Variants in SMYD2 observed in about 807,000 individuals in gnomAD.
SMYD2 encodes N-lysine methyltransferase SMYD2.
Under a neutral mutation model 59.1 loss-of-function variants are expected in SMYD2, and 53 were observed. The ratio of observed to expected loss-of-function variants is 0.90; its 90% CI spans 0.72 to 1.13. The LOEUF (loss-of-function observed/expected upper bound fraction) is 1.13, where lower values mean the gene tolerates loss of function less well. Ranked by LOEUF, SMYD2 falls within the 50% of genes most tolerant of loss-of-function variation. SMYD2 has a pLI of 0.00. For synonymous variants in SMYD2, 208 were observed against 198.8 expected (o/e 1.05, Z -0.39); for missense variants, 494 against 544.7 (o/e 0.91, Z 0.93).
At chr1:214,309,813 T>C (rs781351210) in intron 2 of SMYD2, among the ~76,000 whole-genome samples, 4 of 152,200 alleles carry the variant, frequency 2.6e-5, no homozygotes, top group African/African-American at 4.8e-5. Context: ...ACTGAGTATG[T>C]CTCATTGCTT....
rs1279761192 is a variant in SMYD2 at position 214,295,797 on chromosome 1, T to C, written c.174-9390T>C. On this transcript the variant is annotated intron_variant, in intron 1 of 11. Transcript: ENST00000366957. ...TAGCCTGAGTATTATCCTTGTCCCC[T>C]GACCAGGGTTATAATAGGGTTCTGC... Among the ~76,000 whole-genome samples, 4 of 152,360 alleles carry C rather than the reference T, an allele frequency of 2.6e-5. No individual in the cohort carries two copies. The East Asian group carries it at 7.7e-4, about 29-fold the overall frequency.
In SMYD2 at chr1:214,330,188, TCTC is replaced by T. The variant is rs1657328398; in HGVS notation, c.729_731del (p.Leu244del). On this transcript the variant is annotated inframe_deletion, in exon 8 of 12. Transcript: ENST00000366957. The stretch of plus-strand genomic sequence containing the variant: ...CGTAGGTTTTTACCAGCTATATTGA[TCTC>T]CTGTACCCAACGGAAGATAGAAATG... 1.2e-6 allele frequency: 2 copies of T among 1,610,726 alleles called. No individual in the cohort carries two copies. The highest frequency in any genetic ancestry group is 1.7e-5 in the Admixed American group (1 of 59,688).
Position 214,332,472 on chromosome 1 carries a change from G to C in SMYD2, c.1112+280G>C, listed in dbSNP as rs542701503. 1.1e-5 allele frequency: 3 copies of C among 268,320 alleles called. No individual in the cohort carries two copies. The East Asian group carries it at 2.1e-4, about 19-fold the overall frequency. The allele number at this position is 268,320 out of a possible 1,614,324, so 16.6% of individuals were successfully genotyped here. A position where few individuals can be genotyped will look rare whatever the true frequency, so the allele number is the denominator to read the frequency against. On this transcript the variant is annotated intron_variant, in intron 10 of 11. Transcript: ENST00000366957. ...TATCCATAGTAGTTAACTCAGGCTA[G>C]TTTTGAGAAGCCACTAGTTTGCTTC... is the stretch of plus-strand genomic sequence containing the variant.
At chr1:214,322,999 C>T (rs1458464278) in intron 5 of SMYD2, among the ~76,000 whole-genome samples, 3 of 152,128 alleles carry the variant, frequency 2.0e-5, no homozygotes, top group Non-Finnish European at 4.4e-5. Flanking sequence ...GGGGTGGAAT[C>T]GTTCAGTGTG....
At chr1:214,336,268 C>T (rs1201217421) in intron 11 of SMYD2, among the ~76,000 whole-genome samples, 1 of 151,496 alleles carries the variant, frequency 6.6e-6, no homozygotes, top group African/African-American at 2.4e-5. Context: ...CACGGTGGCT[C>T]ATGCCTGTAA....
intron 6 of SMYD2, among the ~76,000 whole-genome samples, chr1:214,326,100 T>C (rs1657257074): frequency 1.3e-5 from 2 of 151,838 alleles, no homozygotes; most frequent in African/African-American, 2.4e-5. Flanking sequence ...TAGCTGGGCA[T>C]GGTGGCGCAC....
At chr1:214,327,542 C>A in intron 6 of SMYD2, 80 bp from the exon 7 acceptor site, 1 of 1,145,384 alleles carries the variant, frequency 8.7e-7, no homozygotes, top group Non-Finnish European at 1.3e-6. Flanking sequence ...GTTCCTCTGA[C>A]TTAGCAAGTA....
In SMYD2 at chr1:214,336,867, C is replaced by T; in HGVS notation, c.*83C>T. 8.7e-7 allele frequency: 1 copy of T among 1,146,036 alleles called. No homozygotes were observed. The highest frequency in any genetic ancestry group is 1.4e-5 in the South Asian group (1 of 70,938). 71.0% of individuals were successfully genotyped at this position (1,146,036 alleles called of 1,614,324 possible). On this transcript the variant is annotated 3_prime_UTR_variant, in exon 12 of 12. Transcript: ENST00000366957. ...TGAATATTTCAAATTGCACACGTCA[C>T]TCCAGCATCTCTGTAAAATAATTGG...
chr1:214,309,859 G>A (rs1656971396), intron 2 of SMYD2, among the ~76,000 whole-genome samples: 2 of 152,166 alleles, frequency 1.3e-5, no homozygotes, highest in African/African-American at 4.8e-5. Flanking sequence ...TCCTAGTGAT[G>A]GTAGCTCAGC....
At chr1:214,292,877 A>G (rs1656658514) in intron 1 of SMYD2, among the ~76,000 whole-genome samples, 1 of 152,290 alleles carries the variant, frequency 6.6e-6, no homozygotes, top group East Asian at 1.9e-4. Context: ...CATCTAGAGT[A>G]CTTTTCTCTG....
Position 214,281,347 on chromosome 1 carries a change from C to T in SMYD2, c.93C>T (p.Asp31=), listed in dbSNP as rs766204493. The T allele has an allele frequency of 4.1e-6, 6 of 1,450,318 alleles. No individual in the cohort carries two copies. Among genetic ancestry groups the T allele is most frequent in the East Asian group, 5.5e-5 (2 of 36,200 alleles). 89.8% of individuals were successfully genotyped at this position (1,450,318 alleles called of 1,614,324 possible). The change falls in exon 1 of 12, where the codon GAC becomes GAT. Residue 31 remains aspartate, a synonymous_variant. Transcript: ENST00000366957. ...LRALQPFQVG[D]LLFSCPAYAY... ...CTCTGCAGCCCTTCCAGGTGGGGGA[C>T]TTGCTGTTCTCCTGCCCGGCCTATG...
At chr1:214,308,012 C>G (rs1167728020) in intron 2 of SMYD2, among the ~76,000 whole-genome samples, 1 of 152,220 alleles carries the variant, frequency 6.6e-6, no homozygotes, top group Non-Finnish European at 1.5e-5. Flanking sequence ...TCTACTCTTG[C>G]AAGGCTGCAG....
chr1:214,333,394 C>A (rs1212013080), intron 10 of SMYD2: 2 of 152,262 alleles, frequency 1.3e-5, no homozygotes, highest in East Asian at 3.9e-4. Context: ...GGCCGTGGGT[C>A]CCAGGGCTGC....
chr1:214,299,469 A>G lies in SMYD2; in HGVS notation c.174-5718A>G, dbSNP rs958294004. ...GTGAACTGGATAAAGAAAACATTATATATATATATATATACACCATAGAAT... is the reference window on the plus strand; with the variant it reads ...GTGAACTGGATAAAGAAAACATTATGTATATATATATATACACCATAGAAT... On this transcript the variant is annotated intron_variant, in intron 1 of 11. Transcript: ENST00000366957. 6.0e-5 allele frequency among the ~76,000 whole-genome samples: 4 copies of G among 67,190 alleles called. 1 individual carries two copies. Among genetic ancestry groups the G allele is most frequent in the African/African-American group, 3.2e-4 (4 of 12,366 alleles). 44.1% of individuals were successfully genotyped at this position (67,190 alleles called of 152,430 possible).
intron 9 of SMYD2, 52 bp from the exon 10 acceptor site, chr1:214,331,966 G>A (rs1389448623): frequency 2.6e-6 from 4 of 1,561,494 alleles, no homozygotes; most frequent in Middle Eastern, 2.3e-4. Flanking sequence ...CCAGCCTGGG[G>A]AAGCCTCCAG....
chr1:214,290,847 A>T (rs952050771), intron 1 of SMYD2, among the ~76,000 whole-genome samples: 6 of 152,204 alleles, frequency 3.9e-5, no homozygotes, highest in African/African-American at 1.4e-4. Flanking sequence ...AAGACTCTTC[A>T]GGGATGTAGG....
chr1:214,318,750 T>TA lies in SMYD2; in HGVS notation c.410-109_410-108insA, dbSNP rs1657124563. 2 of 1,222,358 alleles carry TA rather than the reference T, an allele frequency of 1.6e-6. No homozygotes were observed. 75.7% of individuals were successfully genotyped at this position (1,222,358 alleles called of 1,614,324 possible). ...GGGGTTCAACATGTTAGTTTTGGGT[T>TA]TTTTTTTTTTCGCCCGTTCCTTTCC... On this transcript the variant is annotated intron_variant, in intron 4 of 11. Coordinates refer to ENST00000366957, the MANE Select transcript of SMYD2 (RefSeq NM_020197.3). The surrounding 1 kb of genome is among the most constrained non-coding windows in gnomAD (Gnocchi z 5.4).
chr1:214,319,842 A>G (rs940767869), intron 5 of SMYD2, among the ~76,000 whole-genome samples: 4 of 152,390 alleles, frequency 2.6e-5, no homozygotes, highest in African/African-American at 9.6e-5. Flanking sequence ...GCAAGAAGCT[A>G]CATCAGTCTC....
In SMYD2 at chr1:214,318,447, C is replaced by T. The variant is rs920991556; in HGVS notation, c.409+308C>T. Reference sequence around the variant, plus strand: ...TTTTGGATCTTTGCTGAATTGCGTCCTCTAAATAGCTGATGTTCTTACTGA... The same window carrying T: ...TTTTGGATCTTTGCTGAATTGCGTCTTCTAAATAGCTGATGTTCTTACTGA... On this transcript the variant is annotated intron_variant, in intron 4 of 11. Transcript: ENST00000366957. The surrounding 1 kb of genome is among the most constrained non-coding windows in gnomAD (Gnocchi z 5.4). Among the ~76,000 whole-genome samples, 1 of 152,106 alleles carries T rather than the reference C, an allele frequency of 6.6e-6. No homozygotes were observed. Among genetic ancestry groups the T allele is most frequent in the Admixed American group, 6.6e-5 (1 of 15,260 alleles).
Sources: gnomAD v4.1 joint callset for allele counts (sites outside exome capture counted in the v4.1 genomes callset) on GRCh38, gnomAD v4.1.1 for gene constraint, Gnocchi (gnomAD v3.1) non-coding constraint, MANE v1.5 for transcripts, NCBI Gene and HGNC (gene_info 2026-07-23, HGNC 2026-07-21) for gene names.